The following ITGA6 variants were observed in gnomAD, a reference collection of about 807,000 sequenced individuals.
The protein encoded by ITGA6 is integrin subunit alpha 6.
ITGA6 carries 63 observed loss-of-function variants against 133.6 expected under a neutral mutation model. The ratio of observed to expected loss-of-function variants is 0.47; its 90% CI spans 0.38 to 0.58. ITGA6 has a LOEUF of 0.58. Among genes scored for constraint, ITGA6 ranks in the 20% least tolerant of loss-of-function variants. The pLI is 0.00. For synonymous variants in ITGA6, 434 were observed against 482.0 expected (o/e 0.90, Z 1.30); for missense variants, 1,068 against 1,309.4 (o/e 0.82, Z 2.85).
chr2:172,452,745 T>C (rs1685057874), intron 1 of ITGA6, among the ~76,000 whole-genome samples: 1 of 152,220 alleles, frequency 6.6e-6, no homozygotes, highest in Non-Finnish European at 1.5e-5. Context: ...CCCATATTAA[T>C]GGACTCATTT....
chr2:172,451,232 AGG>A (rs201816809), intron 1 of ITGA6, among the ~76,000 whole-genome samples: 2,571 of 152,126 alleles, frequency 0.017, 74 homozygotes, highest in African/African-American at 0.058. Context: ...TGGGAGGCCA[AGG>A]CCGGTAGATC....
chr2:172,503,227 T>G (rs959229100), intron 25 of ITGA6, among the ~76,000 whole-genome samples: 1 of 152,076 alleles, frequency 6.6e-6, no homozygotes, highest in African/African-American at 2.4e-5. Context: ...TTAAAAAAAG[T>G]AAATATATTT....
At position 172,468,683 on chromosome 2, in the gene ITGA6, G is replaced by A. The variant is rs1685786790; in HGVS notation, c.388-442G>A. 1.3e-5 allele frequency among the ~76,000 whole-genome samples: 2 copies of A among 152,112 alleles called. 1 individual carries two copies. The highest frequency in any genetic ancestry group is 4.1e-4 in the South Asian group (2 of 4,830). On this transcript the variant is annotated intron_variant, in intron 3 of 25. Transcript: ENST00000684293. The stretch of plus-strand genomic sequence containing the variant: ...AAATGTCTTTGTTTTAGCTGTGTTT[G>A]TTTGATCCCTATGAAAACAGGTCCA...
chr2:172,463,023 G>A (rs1685496969), intron 1 of ITGA6, among the ~76,000 whole-genome samples: 1 of 152,160 alleles, frequency 6.6e-6, no homozygotes, highest in Non-Finnish European at 1.5e-5. Flanking sequence ...AGGTGCTGGT[G>A]CCCACAGCAC....
chr2:172,458,050 CAG>C (rs1256308644), intron 1 of ITGA6, among the ~76,000 whole-genome samples: 1 of 151,942 alleles, frequency 6.6e-6, no homozygotes, highest in Admixed American at 6.6e-5. Flanking sequence ...AAGGACCACA[CAG>C]GGGTCCACAG....
At chr2:172,444,765 C>T (rs1684688919) in intron 1 of ITGA6, among the ~76,000 whole-genome samples, 1 of 143,270 alleles carries the variant, frequency 7.0e-6, no homozygotes, top group Admixed American at 7.0e-5. Flanking sequence ...TATTTCCCCC[C>T]CACAACCCAG....
rs549234399 is a variant in ITGA6 at position 172,447,942 on chromosome 2, G to C, written c.183-17597G>C. Reference sequence around the variant, plus strand: ...CTTTGGATGTTCCTTTACTGCATGAGCTCCCTTGCTCTTAATGAGACACAC... The same window carrying C: ...CTTTGGATGTTCCTTTACTGCATGACCTCCCTTGCTCTTAATGAGACACAC... On this transcript the variant is annotated intron_variant, in intron 1 of 25. Transcript: ENST00000684293. 3.3e-5 allele frequency among the ~76,000 whole-genome samples: 5 copies of C among 152,232 alleles called. No homozygotes were observed. In the South Asian group the frequency reaches 1.0e-3, roughly 32 times the overall value.
At chr2:172,453,958 A>G (rs939791107) in intron 1 of ITGA6, among the ~76,000 whole-genome samples, 4 of 152,166 alleles carry the variant, frequency 2.6e-5, no homozygotes, top group African/African-American at 9.7e-5. Flanking sequence ...AAGGACAGTG[A>G]GCAAATGGTC....
intron 11 of ITGA6, chr2:172,480,914 T>G (rs779905089): frequency 1.3e-4 from 20 of 152,152 alleles, no homozygotes; most frequent in African/African-American, 4.8e-4. Context: ...CGTCGTAAGC[T>G]CTCCTCTGGC....
chr2:172,428,684 C>G (rs1166474447), intron 1 of ITGA6: 1 of 152,218 alleles, frequency 6.6e-6, no homozygotes, highest in Admixed American at 6.5e-5. Flanking sequence ...ACCCGCTCGG[C>G]TCCTGCGTTG....
intron 1 of ITGA6, chr2:172,465,226 G>A (rs556131337): frequency 7.6e-5 from 33 of 433,846 alleles, no homozygotes; most frequent in South Asian, 5.9e-4. Flanking sequence ...GGGGCTTAGA[G>A]GTTGTATTCT....
chr2:172,471,612 T>A (rs2149044523), intron 5 of ITGA6, among the ~76,000 whole-genome samples: 1 of 152,336 alleles, frequency 6.6e-6, no homozygotes. Flanking sequence ...TGGGACCCCA[T>A]GTCACAGGGC....
chr2:172,478,198 G>A (rs894378428), intron 9 of ITGA6, among the ~76,000 whole-genome samples: 5 of 152,102 alleles, frequency 3.3e-5, no homozygotes, highest in African/African-American at 1.2e-4. Flanking sequence ...AAATAGAATG[G>A]TAAACAATAA....
intron 1 of ITGA6, among the ~76,000 whole-genome samples, chr2:172,457,446 C>T (rs1437900997): frequency 2.6e-5 from 4 of 152,088 alleles, no homozygotes; most frequent in Admixed American, 1.3e-4. Flanking sequence ...GCATTGCTCT[C>T]TGATGAAGTA....
At position 172,469,351 on chromosome 2, in the gene ITGA6, T is replaced by C; in HGVS notation, c.614T>C (p.Phe205Ser). 6.2e-7 allele frequency: 1 copy of C among 1,614,092 alleles called. No individual in the cohort carries two copies. The highest frequency in any genetic ancestry group is 8.5e-7 in the Non-Finnish European group (1 of 1,179,960). The change falls in exon 4 of 26, where the codon TTT becomes TCT. Residue 205 changes from phenylalanine (F) to serine (S), a missense_variant. Around this residue, in one of 3 missense-constraint regions of ITGA6, gnomAD observed 317 missense variants for 456.9 expected, o/e 0.69. Transcript: ENST00000684293. ...ACTAAAGACTTTCATTACATTGTAT[T>C]TGGAGCCCCGGGTACTTATAACTGG... ...TFTKDFHYIV[F>S]GAPGTYNWKG...
intron 1 of ITGA6, among the ~76,000 whole-genome samples, chr2:172,435,945 A>G (rs13027811): frequency 0.077 from 11,654 of 152,176 alleles, 510 homozygotes; most frequent in Non-Finnish European, 0.1. Flanking sequence ...GTTTTCAAAA[A>G]AGGAAGAGTT....
intron 4 of ITGA6, 57 bp downstream of exon 4, chr2:172,469,437 A>G: frequency 6.7e-7 from 1 of 1,490,602 alleles, no homozygotes; most frequent in Non-Finnish European, 9.3e-7. Flanking sequence ...CTGTAATATG[A>G]TTTAGTACAT....
At chr2:172,467,441 G>A in intron 2 of ITGA6, 40 bp from the exon 3 acceptor site, 1 of 1,485,396 alleles carries the variant, frequency 6.7e-7, no homozygotes, top group Non-Finnish European at 9.4e-7. Context: ...TTTCTAGCAT[G>A]TGCAGTCACT....
At chr2:172,429,216 G>T (rs902627939) in intron 1 of ITGA6, among the ~76,000 whole-genome samples, 2 of 151,616 alleles carry the variant, frequency 1.3e-5, no homozygotes, top group African/African-American at 4.9e-5. Context: ...GTGAAGCACA[G>T]AAATTAGCTG....
Sources: allele counts gnomAD v4.1 joint callset (sites outside exome capture counted in the v4.1 genomes callset), GRCh38; gene constraint gnomAD v4.1.1; regional missense constraint gnomAD v4.1.1; transcripts MANE v1.5; gene names NCBI Gene and HGNC (gene_info 2026-07-23, HGNC 2026-07-21).